Variants in ZNF469 observed in about 807,000 individuals in gnomAD.
ZNF469 encodes zinc finger protein 469.
Under a neutral mutation model 1.0 loss-of-function variants are expected in ZNF469, and 1 was observed. The observed-to-expected ratio is 1.00, with a 90% CI of 0.35 to 4.73. The LOEUF (loss-of-function observed/expected upper bound fraction) is 4.73, where lower values mean the gene tolerates loss of function less well. Ranked by LOEUF, ZNF469 falls within the 30% of genes most tolerant of loss-of-function variation. The probability of loss-of-function intolerance (pLI) is 0.16; values close to 1 mark genes in which losing one functional copy is unlikely to be tolerated. For synonymous variants in ZNF469, 2,703 were observed against 2,363.4 expected (o/e 1.14, Z -4.17); for missense variants, 6,100 against 5,356.3 (o/e 1.14, Z -4.33).
At chr16:88,188,181 C>A in the ZNF469 span, among the ~76,000 whole-genome samples, 6 of 152,088 alleles carry the variant, frequency 3.9e-5, no homozygotes, top group African/African-American at 1.4e-4. Flanking sequence ...CTGGACAACT[C>A]CTCCTTTCCT....
At chr16:88,280,329 T>G in the ZNF469 span, among the ~76,000 whole-genome samples, 1 of 151,940 alleles carries the variant, frequency 6.6e-6, no homozygotes, top group Non-Finnish European at 1.5e-5. Flanking sequence ...GCACAGTTAG[T>G]GCTGCGCTAC....
chr16:88,196,559 G>C, the ZNF469 span, among the ~76,000 whole-genome samples: 1 of 152,162 alleles, frequency 6.6e-6, no homozygotes, highest in East Asian at 1.9e-4. Context: ...CCACTCCATT[G>C]AGTTTGGTGG....
chr16:88,103,613 C>G, the ZNF469 span, among the ~76,000 whole-genome samples: 6 of 152,196 alleles, frequency 3.9e-5, no homozygotes, highest in African/African-American at 7.2e-5. Context: ...ATTTCTCCTG[C>G]ATGAATCAGA....
the ZNF469 span, among the ~76,000 whole-genome samples, chr16:88,296,177 C>A: frequency 6.6e-6 from 1 of 152,156 alleles, no homozygotes; most frequent in African/African-American, 2.4e-5. Context: ...TTGCAACAGC[C>A]CCAAGGCCAT....
chr16:88,219,724 C>A, the ZNF469 span, among the ~76,000 whole-genome samples: 1 of 152,224 alleles, frequency 6.6e-6, no homozygotes, highest in African/African-American at 2.4e-5. Context: ...CAACCTACTT[C>A]CCTGGGGCCT....
the ZNF469 span, among the ~76,000 whole-genome samples, chr16:88,349,312 G>A: frequency 1.3e-5 from 2 of 151,882 alleles, no homozygotes; most frequent in African/African-American, 4.8e-5. Context: ...CACCACACAC[G>A]CTGCATGGGA....
At chr16:88,264,809 C>G in the ZNF469 span, among the ~76,000 whole-genome samples, 1 of 152,124 alleles carries the variant, frequency 6.6e-6, no homozygotes, top group South Asian at 2.1e-4. Flanking sequence ...CCACACGGCC[C>G]CCCGCCTCGC....
chr16:88,149,056 C>G, the ZNF469 span, among the ~76,000 whole-genome samples: 1 of 152,142 alleles, frequency 6.6e-6, no homozygotes, highest in Non-Finnish European at 1.5e-5. Flanking sequence ...ATCAAAGCCA[C>G]CTGTGTTCCC....
the ZNF469 span, among the ~76,000 whole-genome samples, chr16:88,238,696 C>G: frequency 1.3e-5 from 2 of 152,188 alleles, no homozygotes; most frequent in African/African-American, 4.8e-5. Context: ...CCTATCAACC[C>G]TCTTAAAACC....
At position 88,431,619 on chromosome 16, in the gene ZNF469, G is replaced by A. The variant is rs1906189688; in HGVS notation, c.4149G>A (p.Leu1383=). ...PQPYSSPHSE[L]FLGPKDLAGC... ...CCTACAGCAGCCCCCACAGTGAGTT[G>A]TTCCTCGGACCCAAAGACCTGGCTG... The change falls in exon 3 of 3, where the codon TTG becomes TTA. Residue 1383 remains leucine (L), a synonymous_variant. Transcript: ENST00000565624. 6.4e-7 allele frequency: 1 copy of A among 1,550,470 alleles called. No homozygotes were observed. Among genetic ancestry groups the A allele is most frequent in the Non-Finnish European group, 8.7e-7 (1 of 1,146,994 alleles).
At chr16:88,280,241 C>G in the ZNF469 span, among the ~76,000 whole-genome samples, 4 of 151,602 alleles carry the variant, frequency 2.6e-5, no homozygotes, top group African/African-American at 9.7e-5. Flanking sequence ...CACCCTGACG[C>G]TCAGTCAGTA....
the ZNF469 span, among the ~76,000 whole-genome samples, chr16:88,317,433 G>A: frequency 6.6e-6 from 1 of 152,166 alleles, no homozygotes; most frequent in Admixed American, 6.5e-5. Context: ...GTGGAGCCTC[G>A]GAACCTGGCT....
the ZNF469 span, among the ~76,000 whole-genome samples, chr16:88,264,203 G>T: frequency 6.6e-6 from 1 of 152,068 alleles, no homozygotes; most frequent in Non-Finnish European, 1.5e-5. Context: ...AGGCCCCTTT[G>T]CTTCCAGGAG....
the ZNF469 span, among the ~76,000 whole-genome samples, chr16:88,243,949 T>TATATATATATATATAA: frequency 1.5e-3 from 146 of 94,234 alleles, 25 homozygotes; most frequent in Non-Finnish European, 2.7e-3. Flanking sequence ...TATATATATA[T>TATATATATATATATAA]ATAAATGTAT....
chr16:88,334,925 C>T, the ZNF469 span, among the ~76,000 whole-genome samples: 1 of 151,080 alleles, frequency 6.6e-6, no homozygotes, highest in Non-Finnish European at 1.5e-5. Flanking sequence ...GATGTGGGAG[C>T]CGTGAAGGAA....
the ZNF469 span, among the ~76,000 whole-genome samples, chr16:88,259,343 C>A: frequency 6.6e-6 from 1 of 152,042 alleles, no homozygotes. This position sits in a 1 kb window ranked among gnomAD's most constrained non-coding sequence, Gnocchi z 4.1. Flanking sequence ...CCCGCGCCCC[C>A]ATCCCTCTGC....
the ZNF469 span, among the ~76,000 whole-genome samples, chr16:88,163,424 G>A: frequency 6.6e-6 from 1 of 150,936 alleles, no homozygotes; most frequent in Non-Finnish European, 1.5e-5. Context: ...AGATAGGTGG[G>A]CAGTTGTGTG....
In ZNF469 at chr16:88,424,862, G is replaced by T. The variant is rs781357772; in HGVS notation, c.-136G>T. ...GCGGCGACCCAGCTGAGGGGCCCCC[G>T]ACTCCCCAGGTATGTACAGGCAGCA... is the stretch of plus-strand genomic sequence containing the variant. On this transcript the variant is annotated 5_prime_UTR_variant, in exon 2 of 3. Transcript: ENST00000565624. The surrounding 1 kb of genome is among the most constrained non-coding windows in gnomAD (Gnocchi z 4.3). Among the ~76,000 whole-genome samples the T allele has an allele frequency of 6.6e-6, 1 of 152,116 alleles. No individual in the cohort carries two copies. Among genetic ancestry groups the T allele is most frequent in the African/African-American group, 2.4e-5 (1 of 41,422 alleles).
At chr16:88,140,363 T>C in the ZNF469 span, among the ~76,000 whole-genome samples, 1 of 150,218 alleles carries the variant, frequency 6.7e-6, no homozygotes, top group Non-Finnish European at 1.5e-5. Context: ...CGGAGCCACG[T>C]AGAAATCGGG....
Sources: allele counts gnomAD v4.1 joint callset (sites outside exome capture counted in the v4.1 genomes callset), GRCh38; gene constraint gnomAD v4.1.1; non-coding constraint Gnocchi (gnomAD v3.1); transcripts MANE v1.5; gene names NCBI Gene and HGNC (gene_info 2026-07-23, HGNC 2026-07-21).